The following PSMD1 variants were observed in gnomAD, a reference collection of about 807,000 sequenced individuals.
PSMD1 encodes the protein 26S proteasome non-ATPase regulatory subunit 1.
PSMD1 carries 18 observed loss-of-function variants against 119.0 expected under a neutral mutation model. The ratio of observed to expected loss-of-function variants is 0.15; its 90% CI spans 0.10 to 0.22. The LOEUF (loss-of-function observed/expected upper bound fraction) is 0.22, where lower values mean the gene tolerates loss of function less well. Among genes scored for constraint, PSMD1 ranks in the 10% least tolerant of loss-of-function variants. The pLI, the probability that PSMD1 is intolerant of heterozygous loss-of-function variation, is 1.00. For missense variants in PSMD1, 702 were observed against 1,158.5 expected (o/e 0.61, Z 5.72); for synonymous variants, 374 against 396.6 (o/e 0.94, Z 0.68).
rs114211683 is a variant in PSMD1 at position 231,169,253 on chromosome 2, G to A, written c.2716-1313G>A. ...AGTTAAGCATGAAATAGCATAACCT[G>A]GATCCACATTTTCCAAAAAATAGAA... On this transcript the variant is annotated intron_variant, in intron 23 of 24. Coordinates refer to ENST00000308696, the MANE Select transcript of PSMD1 (RefSeq NM_002807.4). 1.9e-3 allele frequency among the ~76,000 whole-genome samples: 289 copies of A among 152,200 alleles called. 2 individuals carry two copies. Among genetic ancestry groups the A allele is most frequent in the African/African-American group, 6.7e-3 (276 of 41,498 alleles).
chr2:231,148,197 C>T (rs1228944414), intron 18 of PSMD1, among the ~76,000 whole-genome samples: 1 of 152,082 alleles, frequency 6.6e-6, no homozygotes, highest in Non-Finnish European at 1.5e-5. Flanking sequence ...TTTATTTCTG[C>T]TTTTGATCTT....
In PSMD1 at chr2:231,166,002, C is replaced by T. The variant is rs149102064; in HGVS notation, c.2700C>T (p.Tyr900=). The part of the protein sequence containing the change: ...KVLTMPETCR[Y]QPFKPLSIGG... Reference sequence around the variant, plus strand: ...TAACCATGCCGGAGACCTGTAGATACCAGCCTTTCAAACCAGTAAGTTACC... The same window carrying T: ...TAACCATGCCGGAGACCTGTAGATATCAGCCTTTCAAACCAGTAAGTTACC... Residue 900 remains tyrosine (Y), a synonymous_variant, in exon 23 of 25, where the codon TAC becomes TAT. Coordinates refer to ENST00000308696, the MANE Select transcript of PSMD1 (RefSeq NM_002807.4). 800 of 1,612,932 alleles carry T rather than the reference C, an allele frequency of 5.0e-4. 1 individual carries two copies. Among genetic ancestry groups the T allele is most frequent in the Non-Finnish European group, 6.3e-4 (747 of 1,179,528 alleles).
intron 16 of PSMD1, among the ~76,000 whole-genome samples, chr2:231,125,942 A>G (rs909660619): frequency 1.3e-5 from 2 of 152,176 alleles, no homozygotes; most frequent in African/African-American, 2.4e-5. Context: ...TACTTAGTTC[A>G]TTTTAGCTCT....
At chr2:231,083,460 A>G (rs988193598) in intron 13 of PSMD1, 107 bp from the exon 14 acceptor site, 3 of 1,160,696 alleles carry the variant, frequency 2.6e-6, no homozygotes, top group African/African-American at 3.1e-5. Context: ...ATCAGAAGCT[A>G]ATGATTTTTT....
At chr2:231,166,382 T>A (rs986378348) in intron 23 of PSMD1, among the ~76,000 whole-genome samples, 4 of 152,166 alleles carry the variant, frequency 2.6e-5, no homozygotes, top group Non-Finnish European at 5.9e-5. Flanking sequence ...CTGCCTCAGT[T>A]TTCTTTATTA....
At chr2:231,138,930 G>A (rs1277174572) in intron 17 of PSMD1, 80 bp downstream of exon 17, 4 of 1,035,866 alleles carry the variant, frequency 3.9e-6, no homozygotes, top group Non-Finnish European at 3.0e-6. Flanking sequence ...TGTAACAGCT[G>A]TAAAAATACA....
At chr2:231,149,512 T>G (rs1463403348) in intron 18 of PSMD1, among the ~76,000 whole-genome samples, 1 of 152,214 alleles carries the variant, frequency 6.6e-6, no homozygotes, top group African/African-American at 2.4e-5. Context: ...TACTCGAACA[T>G]GTACATATTA....
chr2:231,069,054 A>G (rs1362231731), intron 5 of PSMD1, among the ~76,000 whole-genome samples: 1 of 152,336 alleles, frequency 6.6e-6, no homozygotes, highest in East Asian at 1.9e-4. Context: ...CCTCTCAGAT[A>G]AAGGAGCACC....
intron 21 of PSMD1, among the ~76,000 whole-genome samples, chr2:231,164,038 T>A (rs1301549715): frequency 6.6e-6 from 1 of 152,200 alleles, no homozygotes; most frequent in Non-Finnish European, 1.5e-5. Context: ...TATTTTTTTT[T>A]ATTTTTAAAA....
intron 16 of PSMD1, among the ~76,000 whole-genome samples, chr2:231,110,578 C>G (rs1049299187): frequency 1.3e-5 from 2 of 152,204 alleles, no homozygotes; most frequent in African/African-American, 4.8e-5. Context: ...CATCTACACA[C>G]CCTTTTTATG....
chr2:231,142,710 G>A (rs1318517180), intron 17 of PSMD1, among the ~76,000 whole-genome samples: 1 of 151,836 alleles, frequency 6.6e-6, no homozygotes, highest in Non-Finnish European at 1.5e-5. Context: ...GTACCTCAAA[G>A]GCCGAGTTAC....
intron 16 of PSMD1, among the ~76,000 whole-genome samples, chr2:231,093,370 G>T (rs2125185108): frequency 6.6e-6 from 1 of 152,316 alleles, no homozygotes; most frequent in Non-Finnish European, 1.5e-5. Flanking sequence ...CTCCTGAGTT[G>T]TCTTCTTCAG....
chr2:231,090,979 TAAA>T (rs965007464), intron 16 of PSMD1, among the ~76,000 whole-genome samples: 47 of 152,112 alleles, frequency 3.1e-4, no homozygotes, highest in African/African-American at 1.1e-3. Flanking sequence ...TAGGAAAAAA[TAAA>T]AAAGAAGTAA....
chr2:231,078,138 C>T (rs2125167783), intron 9 of PSMD1, among the ~76,000 whole-genome samples: 1 of 152,254 alleles, frequency 6.6e-6, no homozygotes, highest in South Asian at 2.1e-4. Flanking sequence ...CATGGTGGTA[C>T]ATACCTGTAA....
chr2:231,107,584 C>G (rs572052361), intron 16 of PSMD1, among the ~76,000 whole-genome samples: 1 of 152,212 alleles, frequency 6.6e-6, no homozygotes, highest in South Asian at 2.1e-4. Flanking sequence ...AAGTATTTTT[C>G]CTAAATTTAA....
chr2:231,086,918 A>T (rs997248631), intron 15 of PSMD1, among the ~76,000 whole-genome samples, 199 bp from the exon 16 acceptor site: 1 of 152,150 alleles, frequency 6.6e-6, no homozygotes, highest in African/African-American at 2.4e-5. Flanking sequence ...TCTCTATAAA[A>T]ATAAAAATAA....
In PSMD1 at chr2:231,159,826, G is replaced by A. The variant is rs566937473; in HGVS notation, c.2219-1514G>A. Among the ~76,000 whole-genome samples the A allele has an allele frequency of 4.6e-5, 7 of 152,296 alleles. No homozygotes were observed. In the South Asian group the frequency reaches 1.5e-3, roughly 32 times the overall value. On this transcript the variant is annotated intron_variant, in intron 19 of 24. Transcript: ENST00000308696. ...TTTTTTTCTACGACGGGGGTGGGGT[G>A]GTTTCAGGATGAAACTTTTCCACCT...
Position 231,136,959 on chromosome 2 carries a change from G to GTA in PSMD1, c.1884-1767_1884-1766dup, listed in dbSNP as rs555744697. ...ATAATATATATTATATTTACATATA[G>GTA]TATATATATATTATATATATTATAT... On this transcript the variant is annotated intron_variant, in intron 16 of 24. Coordinates refer to ENST00000308696, the MANE Select transcript of PSMD1 (RefSeq NM_002807.4). 1.0e-4 allele frequency among the ~76,000 whole-genome samples: 14 copies of GTA among 140,592 alleles called. No individual in the cohort carries two copies. The South Asian group carries it at 1.1e-3, about 11-fold the overall frequency. 92.2% of individuals were successfully genotyped at this position (140,592 alleles called of 152,430 possible). A position where few individuals can be genotyped will look rare whatever the true frequency, so the allele number is the denominator to read the frequency against.
intron 23 of PSMD1, among the ~76,000 whole-genome samples, chr2:231,169,567 A>G (rs1235459387): frequency 1.3e-5 from 2 of 152,222 alleles, no homozygotes; most frequent in Non-Finnish European, 2.9e-5. Flanking sequence ...ATAGCATGGC[A>G]GGGCAGAGTT....
Sources: gnomAD v4.1 joint callset for allele counts (sites outside exome capture counted in the v4.1 genomes callset) on GRCh38, gnomAD v4.1.1 for gene constraint, MANE v1.5 for transcripts, NCBI Gene and HGNC (gene_info 2026-07-23, HGNC 2026-07-21) for gene names.